Variants in ZNF385B observed in about 807,000 individuals in gnomAD.
ZNF385B encodes zinc finger protein 385B, also known as zinc finger protein 533.
A neutral mutation model predicts 39.2 loss-of-function variants in ZNF385B; 23 were observed. The observed-to-expected ratio is 0.59, with a 90% CI of 0.42 to 0.83. The LOEUF is 0.83. Among genes scored for constraint, ZNF385B ranks in the 40% least tolerant of loss-of-function variants. The probability of loss-of-function intolerance (pLI) is 0.00; values close to 1 mark genes in which losing one functional copy is unlikely to be tolerated. For missense variants in ZNF385B, 552 were observed against 598.9 expected, an observed-to-expected ratio of 0.92 and a Z score of 0.82; for synonymous variants, 205 against 222.6, an observed-to-expected ratio of 0.92 and a Z score of 0.70.
chr2:179,682,985 G>A (rs974360972), intron 3 of ZNF385B, among the ~76,000 whole-genome samples: 1 of 152,090 alleles, frequency 6.6e-6, no homozygotes, highest in Non-Finnish European at 1.5e-5. Flanking sequence ...GTGTTTTAAT[G>A]ACGTAATATA....
At chr2:179,576,032 A>T in intron 3 of ZNF385B, 1 of 520,096 alleles carries the variant, frequency 1.9e-6, no homozygotes, top group Non-Finnish European at 2.5e-6. Flanking sequence ...TGTATTCTTT[A>T]AGTTAGACGA....
chr2:179,658,750 T>C (rs891204709), intron 3 of ZNF385B, among the ~76,000 whole-genome samples: 8 of 152,194 alleles, frequency 5.3e-5, no homozygotes, highest in African/African-American at 1.9e-4. Context: ...ATATCCCCAA[T>C]AGGTTATCAA....
intron 1 of ZNF385B, among the ~76,000 whole-genome samples, chr2:179,842,811 C>A (rs1708605533): frequency 6.6e-6 from 1 of 152,126 alleles, no homozygotes; most frequent in African/African-American, 2.4e-5. Context: ...TTAAAATATT[C>A]TTGTCAATTT....
chr2:179,493,784 C>CGT, intron 5 of ZNF385B, among the ~76,000 whole-genome samples: 1 of 88,512 alleles, frequency 1.1e-5, no homozygotes, highest in Non-Finnish European at 2.4e-5. Context: ...TGTATATACA[C>CGT]ATATGTATAC....
At chr2:179,632,198 G>T (rs979008137) in intron 3 of ZNF385B, among the ~76,000 whole-genome samples, 1 of 152,150 alleles carries the variant, frequency 6.6e-6, no homozygotes, top group Non-Finnish European at 1.5e-5. Context: ...GCAACAAGTA[G>T]ACCTAATAGA....
rs1030306663 is a variant in ZNF385B, at chr2:179,714,568, A to G, written c.298+54935T>C. On this transcript the variant is annotated intron_variant, in intron 3 of 9. Coordinates refer to ENST00000410066, the MANE Select transcript of ZNF385B (RefSeq NM_152520.6). ...ATGGCTGTTAAAAGGTTAGGGTAAC[A>G]GCCAGAAGAATCACCCTTAGGAAGG... is the stretch of plus-strand genomic sequence containing the variant. Among the ~76,000 whole-genome samples the G allele has an allele frequency of 5.3e-5, 8 of 152,206 alleles. No homozygotes were observed. The South Asian group carries it at 6.2e-4, about 12-fold the overall frequency.
intron 5 of ZNF385B, among the ~76,000 whole-genome samples, chr2:179,505,569 C>T (rs189047105): frequency 5.9e-5 from 9 of 152,174 alleles, no homozygotes; most frequent in Non-Finnish European, 1.2e-4. Context: ...TGGGTAACCA[C>T]CTTAAGCTCA....
intron 5 of ZNF385B, among the ~76,000 whole-genome samples, chr2:179,511,810 G>C (rs2057709436): frequency 6.6e-6 from 1 of 152,086 alleles, no homozygotes; most frequent in Admixed American, 6.6e-5. Flanking sequence ...TGAGAAAATA[G>C]AGCACAGCAA....
intron 3 of ZNF385B, among the ~76,000 whole-genome samples, chr2:179,563,250 C>T (rs1043935149): frequency 1.3e-5 from 2 of 152,046 alleles, no homozygotes; most frequent in African/African-American, 4.8e-5. Context: ...GGCATCTGAC[C>T]ATGTTGTCAG....
chr2:179,731,145 A>G (rs1397479178), intron 3 of ZNF385B, among the ~76,000 whole-genome samples: 1 of 152,220 alleles, frequency 6.6e-6, no homozygotes, highest in East Asian at 1.9e-4. Context: ...ACTTTGTAAA[A>G]AGAGGTAGCC....
chr2:179,547,047 G>A lies in ZNF385B; in HGVS notation c.299-2078C>T, dbSNP rs145489482. On this transcript the variant is annotated intron_variant, in intron 3 of 9. Coordinates refer to ENST00000410066, the MANE Select transcript of ZNF385B (RefSeq NM_152520.6). ...TCTTCTTTTGAGAAATGTCTTTTCCGATCTTTTGCCCATTTTTTATTCAGG... is the reference window on the plus strand; with the variant it reads ...TCTTCTTTTGAGAAATGTCTTTTCCAATCTTTTGCCCATTTTTTATTCAGG... Among the ~76,000 whole-genome samples the A allele has an allele frequency of 4.5e-4, 67 of 149,628 alleles. 6 individuals are homozygous for A. The highest frequency in any genetic ancestry group is 1.6e-3 in the African/African-American group (62 of 39,840).
At chr2:179,523,348 G>GTTTTTTT in intron 4 of ZNF385B, among the ~76,000 whole-genome samples, 1 of 108,670 alleles carries the variant, frequency 9.2e-6, no homozygotes, top group Non-Finnish European at 1.9e-5. Context: ...ATCTGTGTGC[G>GTTTTTTT]TTTTTTTTTT....
intron 3 of ZNF385B, among the ~76,000 whole-genome samples, chr2:179,759,642 AC>A (rs1264071417): frequency 6.6e-6 from 1 of 152,110 alleles, no homozygotes; most frequent in African/African-American, 2.4e-5. Flanking sequence ...ATCTTTGAGT[AC>A]TCATCTCAAA....
intron 3 of ZNF385B, among the ~76,000 whole-genome samples, chr2:179,648,665 A>G (rs547489703): frequency 6.6e-6 from 1 of 152,276 alleles, no homozygotes; most frequent in South Asian, 2.1e-4. Flanking sequence ...GTACAAAATG[A>G]GCCTGAAATG....
intron 3 of ZNF385B, among the ~76,000 whole-genome samples, chr2:179,757,049 G>A (rs544740718): frequency 2.0e-5 from 3 of 152,138 alleles, no homozygotes; most frequent in Non-Finnish European, 2.9e-5. Flanking sequence ...CTGATTTTTA[G>A]AATTTTCAGC....
intron 4 of ZNF385B, among the ~76,000 whole-genome samples, chr2:179,532,380 T>C (rs2059305344): frequency 6.6e-6 from 1 of 152,182 alleles, no homozygotes; most frequent in Non-Finnish European, 1.5e-5. Context: ...TTTGCTTATA[T>C]GTTGGCCATG....
intron 1 of ZNF385B, chr2:179,814,346 C>T (rs1575540415): frequency 1.7e-5 from 5 of 288,382 alleles, no homozygotes; most frequent in South Asian, 9.1e-5. Context: ...GCTTCGGCCA[C>T]GGCTGGGACC....
Position 179,793,437 on chromosome 2 carries a change from C to G in ZNF385B, c.-154-22765G>C, listed in dbSNP as rs190916477. On this transcript the variant is annotated intron_variant, in intron 1 of 9. Transcript: ENST00000410066. ...AATCCCCAGGTGGTGAAGGAGAGAC[C>G]TGGTGGGAGGTGATTGGATCATGGG... Among the ~76,000 whole-genome samples, 130 of 152,268 alleles carry G rather than the reference C, an allele frequency of 8.5e-4. 1 individual carries two copies. The highest frequency in any genetic ancestry group is 5.4e-3 in the Admixed American group (82 of 15,282).
intron 3 of ZNF385B, among the ~76,000 whole-genome samples, chr2:179,683,216 TG>T (rs1697660983): frequency 6.6e-6 from 1 of 151,802 alleles, no homozygotes; most frequent in Non-Finnish European, 1.5e-5. Context: ...GGTGAAACCC[TG>T]TCTGTACTAA....
Sources: gnomAD v4.1 joint callset for allele counts (sites outside exome capture counted in the v4.1 genomes callset) on GRCh38, gnomAD v4.1.1 for gene constraint, MANE v1.5 for transcripts, NCBI Gene and HGNC (gene_info 2026-07-23, HGNC 2026-07-21) for gene names.